GRM8: variants seen among roughly 807,000 people sequenced by gnomAD.
GRM8 encodes the protein metabotropic glutamate receptor 8.
A neutral mutation model predicts 87.2 loss-of-function variants in GRM8; 47 were observed. The ratio of observed to expected loss-of-function variants is 0.54; its 90% CI spans 0.43 to 0.69. The LOEUF (loss-of-function observed/expected upper bound fraction) is 0.69, where lower values mean the gene tolerates loss of function less well. Among genes scored for constraint, GRM8 ranks in the 30% least tolerant of loss-of-function variants. The pLI, the probability that GRM8 is intolerant of heterozygous loss-of-function variation, is 0.00. For missense variants in GRM8, 1,019 were observed against 1,139.2 expected, an observed-to-expected ratio of 0.89 and a Z score of 1.52; for synonymous variants, 396 against 404.5, an observed-to-expected ratio of 0.98 and a Z score of 0.25.
At chr7:126,852,939 G>C (rs544479825) in intron 6 of GRM8, among the ~76,000 whole-genome samples, 1 of 152,106 alleles carries the variant, frequency 6.6e-6, no homozygotes, top group Non-Finnish European at 1.5e-5. Flanking sequence ...TTTTAATTTA[G>C]TTTTGTTCAA....
intron 3 of GRM8, among the ~76,000 whole-genome samples, chr7:126,917,706 G>A (rs1804066243): frequency 6.6e-6 from 1 of 152,032 alleles, no homozygotes; most frequent in Admixed American, 6.5e-5. Context: ...CTCAATAATT[G>A]TCTCCTTGGT....
At chr7:127,149,096 C>T (rs1828707535) in intron 2 of GRM8, among the ~76,000 whole-genome samples, 1 of 151,854 alleles carries the variant, frequency 6.6e-6, no homozygotes, top group South Asian at 2.1e-4. Context: ...AACTAAAAAG[C>T]TTCTGTACAG....
intron 9 of GRM8, among the ~76,000 whole-genome samples, chr7:126,521,423 A>C (rs1374032744): frequency 6.6e-6 from 1 of 152,096 alleles, no homozygotes; most frequent in Non-Finnish European, 1.5e-5. Flanking sequence ...CCTCTTCTAA[A>C]ATCCCACAAA....
At chr7:126,668,121 C>T (rs1016424528) in intron 7 of GRM8, among the ~76,000 whole-genome samples, 1 of 152,066 alleles carries the variant, frequency 6.6e-6, no homozygotes, top group African/African-American at 2.4e-5. Flanking sequence ...CTGGGTGGAA[C>T]CTGGGATTCC....
intron 9 of GRM8, among the ~76,000 whole-genome samples, chr7:126,477,950 C>T (rs1302553741): frequency 1.3e-5 from 2 of 152,118 alleles, no homozygotes; most frequent in African/African-American, 2.4e-5. Flanking sequence ...CTTCTGATGG[C>T]TCCAAGCATT....
intron 2 of GRM8, among the ~76,000 whole-genome samples, chr7:127,149,495 G>C (rs1188840700): frequency 6.6e-6 from 1 of 152,016 alleles, no homozygotes; most frequent in Non-Finnish European, 1.5e-5. Context: ...TTATGGAAAA[G>C]AATATGGAGG....
chr7:126,952,656 T>A (rs1323643318), intron 3 of GRM8, among the ~76,000 whole-genome samples: 1 of 152,080 alleles, frequency 6.6e-6, no homozygotes, highest in African/African-American at 2.4e-5. Flanking sequence ...CATGATGTGC[T>A]GAGAAGAACA....
intron 2 of GRM8, among the ~76,000 whole-genome samples, chr7:127,174,880 C>T (rs918787664): frequency 6.6e-6 from 1 of 152,248 alleles, no homozygotes; most frequent in Admixed American, 6.5e-5. Flanking sequence ...CATGTGAATG[C>T]TTATATTACA....
intron 9 of GRM8, among the ~76,000 whole-genome samples, chr7:126,490,359 G>T (rs1002347856): frequency 1.3e-5 from 2 of 152,014 alleles, no homozygotes; most frequent in African/African-American, 2.4e-5. Flanking sequence ...AGCATATTCT[G>T]CTGAATAAAG....
intron 7 of GRM8, among the ~76,000 whole-genome samples, chr7:126,697,270 A>T (rs900034100): frequency 1.3e-5 from 2 of 152,100 alleles, no homozygotes; most frequent in African/African-American, 4.8e-5. Flanking sequence ...CAATGGGTAC[A>T]AAGTTGCAGT....
At chr7:127,079,294 G>A (rs954889548) in intron 3 of GRM8, among the ~76,000 whole-genome samples, 1 of 151,940 alleles carries the variant, frequency 6.6e-6, no homozygotes, top group Non-Finnish European at 1.5e-5. Flanking sequence ...GGCTAATTTT[G>A]TATTTTCAGT....
intron 7 of GRM8, among the ~76,000 whole-genome samples, chr7:126,614,864 C>T (rs142963923): frequency 0.014 from 2,157 of 152,170 alleles, 47 homozygotes; most frequent in African/African-American, 0.042. Context: ...CTAAGAAATA[C>T]GGGACTATGT....
intron 9 of GRM8, among the ~76,000 whole-genome samples, chr7:126,456,087 C>A (rs1803191736): frequency 6.6e-6 from 1 of 151,564 alleles, no homozygotes; most frequent in Admixed American, 6.6e-5. Flanking sequence ...TGAAGGACTT[C>A]TGATTCTGGC....
chr7:126,443,457 T>C (rs1563011076), intron 10 of GRM8, among the ~76,000 whole-genome samples: 1 of 152,034 alleles, frequency 6.6e-6, no homozygotes, highest in Admixed American at 6.6e-5. Context: ...TGAACAAAGG[T>C]TAAAAATGGT....
chr7:127,117,537 G>C (rs1317008301), intron 2 of GRM8, among the ~76,000 whole-genome samples: 2 of 152,182 alleles, frequency 1.3e-5, no homozygotes, highest in African/African-American at 4.8e-5. Flanking sequence ...AAAATTAGGG[G>C]AAGTTTTGAA....
intron 8 of GRM8, among the ~76,000 whole-genome samples, chr7:126,575,847 A>G (rs1388885208): frequency 6.6e-6 from 1 of 152,104 alleles, no homozygotes; most frequent in African/African-American, 2.4e-5. Context: ...TGAGAACTTA[A>G]CTTCCAAGTG....
intron 6 of GRM8, among the ~76,000 whole-genome samples, chr7:126,821,266 A>G (rs919883423): frequency 1.1e-4 from 17 of 151,686 alleles, no homozygotes; most frequent in African/African-American, 4.1e-4. Context: ...TATTCTCTTC[A>G]TCTAATGCAC....
intron 3 of GRM8, among the ~76,000 whole-genome samples, 198 bp from the exon 4 acceptor site, chr7:126,904,881 G>C (rs1802521526): frequency 6.6e-6 from 1 of 152,154 alleles, no homozygotes; most frequent in African/African-American, 2.4e-5. Flanking sequence ...TTATTAATCA[G>C]ACATGGGTTT....
intron 2 of GRM8, among the ~76,000 whole-genome samples, chr7:127,201,733 G>A (rs1795619486): frequency 6.6e-6 from 1 of 152,150 alleles, no homozygotes. Context: ...AACCCTCTAG[G>A]ACTTTCATTT....
Sources: allele counts gnomAD v4.1 joint callset (sites outside exome capture counted in the v4.1 genomes callset), GRCh38; gene constraint gnomAD v4.1.1; transcripts MANE v1.5; gene names NCBI Gene and HGNC (gene_info 2026-07-23, HGNC 2026-07-21).